Variants in SMYD3 observed in about 807,000 individuals in gnomAD.
SMYD3 encodes the protein histone-lysine N-methyltransferase SMYD3.
A neutral mutation model predicts 57.7 loss-of-function variants in SMYD3; 36 were observed. That is an observed-to-expected ratio of 0.62 (90% CI 0.48 to 0.82). The LOEUF (loss-of-function observed/expected upper bound fraction) is 0.82. SMYD3 is among the 40% of genes least tolerant of loss of function. The pLI, the probability that SMYD3 is intolerant of heterozygous loss-of-function variation, is 0.00. For missense variants in SMYD3, 515 were observed against 538.8 expected (o/e 0.96, Z 0.44); for synonymous variants, 211 against 195.0 (o/e 1.08, Z -0.68).
chr1:246,496,689 A>T (rs1432363904), intron 1 of SMYD3, among the ~76,000 whole-genome samples: 2 of 152,002 alleles, frequency 1.3e-5, no homozygotes, highest in East Asian at 3.9e-4. Context: ...TTAGCCGGGC[A>T]TGGTGGTGCA....
At chr1:246,155,003 G>C (rs369557458) in intron 5 of SMYD3, among the ~76,000 whole-genome samples, 5 of 151,970 alleles carry the variant, frequency 3.3e-5, no homozygotes, top group East Asian at 1.9e-4. Flanking sequence ...GGATGGTCTC[G>C]AGCTCCTGAC....
At chr1:245,779,696 G>C (rs2046754308) in intron 10 of SMYD3, among the ~76,000 whole-genome samples, 1 of 152,058 alleles carries the variant, frequency 6.6e-6, no homozygotes, top group Admixed American at 6.5e-5. Flanking sequence ...ACAGTTTTTG[G>C]CTAAAATCAA....
intron 10 of SMYD3, among the ~76,000 whole-genome samples, chr1:245,767,801 C>A (rs1250116841): frequency 1.3e-5 from 2 of 152,206 alleles, no homozygotes; most frequent in African/African-American, 4.8e-5. Context: ...TGAGGCCAGG[C>A]TGTGCAGACA....
chr1:246,099,720 A>C (rs1044198912), intron 5 of SMYD3, among the ~76,000 whole-genome samples: 5 of 152,218 alleles, frequency 3.3e-5, no homozygotes, highest in Admixed American at 6.5e-5. Context: ...AGACTGAAGC[A>C]TATTCAAGGG....
chr1:246,160,312 A>C (rs1032150816), intron 5 of SMYD3, among the ~76,000 whole-genome samples: 4 of 152,190 alleles, frequency 2.6e-5, no homozygotes, highest in Non-Finnish European at 4.4e-5. Context: ...CCTACCTAAT[A>C]TGCATAGAAG....
At chr1:245,866,822 C>A (rs2051881983) in intron 8 of SMYD3, among the ~76,000 whole-genome samples, 1 of 152,318 alleles carries the variant, frequency 6.6e-6, no homozygotes, top group African/African-American at 2.4e-5. Flanking sequence ...ACCTCCCTCT[C>A]CTGCACCAAA....
intron 5 of SMYD3, among the ~76,000 whole-genome samples, chr1:246,012,170 T>C (rs1468590518): frequency 6.6e-6 from 1 of 152,208 alleles, no homozygotes; most frequent in African/African-American, 2.4e-5. Context: ...TGTTGTCTTC[T>C]TGAGGGAAAA....
intron 5 of SMYD3, among the ~76,000 whole-genome samples, chr1:246,177,979 G>A (rs2062462540): frequency 6.6e-6 from 1 of 152,162 alleles, no homozygotes; most frequent in African/African-American, 2.4e-5. Context: ...TCCATTTAGT[G>A]ATGTTTATAA....
At chr1:246,475,533 C>G (rs2068019272) in intron 1 of SMYD3, among the ~76,000 whole-genome samples, 1 of 151,844 alleles carries the variant, frequency 6.6e-6, no homozygotes, top group African/African-American at 2.4e-5. Context: ...GTAGTCCCAG[C>G]TACTCGGGAA....
intron 5 of SMYD3, among the ~76,000 whole-genome samples, chr1:246,245,841 CA>C (rs1293774196): frequency 6.6e-6 from 1 of 152,042 alleles, no homozygotes; most frequent in Non-Finnish European, 1.5e-5. Flanking sequence ...ATGAATACAC[CA>C]AACTGTATGA....
chr1:245,986,183 C>G (rs1217775143), intron 5 of SMYD3, among the ~76,000 whole-genome samples: 2 of 134,278 alleles, frequency 1.5e-5, no homozygotes, highest in Non-Finnish European at 3.3e-5. Context: ...TGTTTCATCT[C>G]TTGTTTACTT....
At chr1:246,175,031 T>C (rs1417556026) in intron 5 of SMYD3, among the ~76,000 whole-genome samples, 1 of 152,142 alleles carries the variant, frequency 6.6e-6, no homozygotes, top group Admixed American at 6.5e-5. Context: ...TCAAATTATA[T>C]CCTTAAATAT....
chr1:245,845,716 G>A (rs1048748698), intron 10 of SMYD3, among the ~76,000 whole-genome samples: 1 of 152,192 alleles, frequency 6.6e-6, no homozygotes, highest in Non-Finnish European at 1.5e-5. Flanking sequence ...ACATAATGGC[G>A]GAGAGCTGCT....
chr1:246,352,424 G>A (rs2065845898), intron 2 of SMYD3, among the ~76,000 whole-genome samples: 1 of 152,168 alleles, frequency 6.6e-6, no homozygotes, highest in African/African-American at 2.4e-5. Flanking sequence ...TCACAGTTCA[G>A]TATGTCATTT....
Position 245,921,060 on chromosome 1 carries a change from G to A in SMYD3, c.703-5420C>T, listed in dbSNP as rs149530192. 8.5e-4 allele frequency among the ~76,000 whole-genome samples: 130 copies of A among 152,268 alleles called. 1 individual carries two copies. Among genetic ancestry groups the A allele is most frequent in the Middle Eastern group, 3.4e-3 (1 of 294 alleles). On this transcript the variant is annotated intron_variant, in intron 7 of 11. Coordinates refer to ENST00000490107, the MANE Select transcript of SMYD3 (RefSeq NM_001167740.2). ...GCATCTGACAAAGGTCTAATACCCAGAATCTATAAGGAACTTAAGCAATTC... is the reference window on the plus strand; with the variant it reads ...GCATCTGACAAAGGTCTAATACCCAAAATCTATAAGGAACTTAAGCAATTC...
intron 5 of SMYD3, chr1:246,322,348 C>G (rs977144623): frequency 6.6e-6 from 1 of 150,696 alleles, no homozygotes; most frequent in Non-Finnish European, 1.5e-5. Flanking sequence ...GCCTGGGCAA[C>G]AGGGTGAGAC....
At chr1:246,351,996 C>T (rs572779035) in intron 2 of SMYD3, among the ~76,000 whole-genome samples, 49 of 151,868 alleles carry the variant, frequency 3.2e-4, no homozygotes, top group African/African-American at 1.1e-3. Context: ...ATTAGCTGGG[C>T]GTGGTGGCAC....
chr1:246,169,478 A>G (rs955448291), intron 5 of SMYD3, among the ~76,000 whole-genome samples: 9 of 150,336 alleles, frequency 6.0e-5, no homozygotes, highest in African/African-American at 2.2e-4. Flanking sequence ...ATGTTCCTGG[A>G]GTAGCAAACA....
At chr1:245,823,081 C>T (rs1271253975) in intron 10 of SMYD3, among the ~76,000 whole-genome samples, 2 of 152,128 alleles carry the variant, frequency 1.3e-5, no homozygotes, top group Admixed American at 1.3e-4. Context: ...AGGGCCCTGA[C>T]GAGGGAGTGC....
Sources: gnomAD v4.1 joint callset for allele counts (sites outside exome capture counted in the v4.1 genomes callset) on GRCh38, gnomAD v4.1.1 for gene constraint, MANE v1.5 for transcripts, NCBI Gene and HGNC (gene_info 2026-07-23, HGNC 2026-07-21) for gene names.